BRCA2: variants seen among roughly 807,000 people sequenced by gnomAD.
BRCA2 encodes the protein BRCA2 DNA repair associated, also known as breast cancer type 2 susceptibility protein.
In BRCA2, 203 loss-of-function variants were observed where a neutral mutation model predicts 276.7. The ratio of observed to expected loss-of-function variants is 0.73; its 90% CI spans 0.65 to 0.82. The LOEUF is 0.82. Among genes scored for constraint, BRCA2 ranks in the 40% least tolerant of loss-of-function variants. BRCA2 has a pLI of 0.00. For synonymous variants in BRCA2, 1,289 were observed against 1,338.4 expected (o/e 0.96, Z 0.81); for missense variants, 3,920 against 3,915.0 (o/e 1.00, Z -0.03).
At chr13:32,341,623 C>T (rs2072570763) in intron 11 of BRCA2, among the ~76,000 whole-genome samples, 1 of 152,182 alleles carries the variant, frequency 6.6e-6, no homozygotes, top group Non-Finnish European at 1.5e-5. Context: ...AAGTTGGTTT[C>T]CGGGAGGCCG....
In BRCA2 at chr13:32,394,952, A is replaced by G. The variant is rs1379263317; in HGVS notation, c.9501+19A>G. The G allele has an allele frequency of 2.5e-6, 4 of 1,613,666 alleles. No homozygotes were observed. The highest frequency in any genetic ancestry group is 1.7e-5 in the Admixed American group (1 of 60,020). On this transcript the variant is annotated intron_variant, in intron 25 of 26. Transcript: ENST00000380152. ...TGTTGAGGTAAGGTTACTTTTCAGC[A>G]TCACCACACATTTTGGTATTTTTCT... is the stretch of plus-strand genomic sequence containing the variant.
In BRCA2 at chr13:32,338,426, A is replaced by G. The variant is rs140556653; in HGVS notation, c.4071A>G (p.Leu1357=). 5 of 1,609,296 alleles carry G rather than the reference A, an allele frequency of 3.1e-6. No individual in the cohort carries two copies. Among genetic ancestry groups the G allele is most frequent in the South Asian group, 1.1e-5 (1 of 89,314 alleles). Residue 1357 remains leucine (L), a synonymous_variant, in exon 11 of 27, where the codon CTA becomes CTG. Transcript: ENST00000380152. The stretch of plus-strand genomic sequence containing the variant: ...TTCATAAAGATGAAACGGACTTGCT[A>G]TTTACTGATCAGCACAACATATGTC... The part of the protein sequence containing the change: ...VCIHKDETDL[L]FTDQHNICLK...
At chr13:32,326,216 C>T in intron 5 of BRCA2, 26 bp from the exon 6 acceptor site, 1 of 1,612,428 alleles carries the variant, frequency 6.2e-7, no homozygotes, top group South Asian at 1.1e-5. Flanking sequence ...TAAAACTTAA[C>T]AATTTTCCCC....
At chr13:32,323,986 G>A (rs1343768188) in intron 3 of BRCA2, among the ~76,000 whole-genome samples, 1 of 152,140 alleles carries the variant, frequency 6.6e-6, no homozygotes, top group Non-Finnish European at 1.5e-5. Flanking sequence ...TGTTCAATAA[G>A]AATAGAAATT....
chr13:32,396,236 A>G (rs1490225157), intron 25 of BRCA2: 1 of 164,078 alleles, frequency 6.1e-6, no homozygotes, highest in East Asian at 1.8e-4. Context: ...GGCCTCCCCA[A>G]GTACTGGGTT....
Position 32,379,351 on chromosome 13 carries a change from A to C in BRCA2, c.8789A>C (p.Asn2930Thr), listed in dbSNP as rs397508008. ...AGTGAAGAGCAGTTAAGAGCCTTGA[A>C]TAATCACAGGCAAATGTTGAATGAT... ...YFSEEQLRAL[N>T]NHRQMLNDKK... Residue 2930 changes from asparagine to threonine, a missense_variant, in exon 22 of 27, where the codon AAT (asparagine) becomes ACT (threonine). This residue lies in a region of BRCA2 where 657 missense variants were observed against 758.2 expected (regional missense o/e 0.87). Transcript: ENST00000380152. 1 of 1,613,898 alleles carries C rather than the reference A, an allele frequency of 6.2e-7. No homozygotes were observed. The highest frequency in any genetic ancestry group is 8.5e-7 in the Non-Finnish European group (1 of 1,179,870).
At chr13:32,393,274 A>G (rs542988331) in intron 24 of BRCA2, among the ~76,000 whole-genome samples, 1 of 152,200 alleles carries the variant, frequency 6.6e-6, no homozygotes, top group Non-Finnish European at 1.5e-5. Context: ...GTTTGCAACA[A>G]TGATTACTGT....
At chr13:32,346,108 C>A (rs2137539858) in intron 12 of BRCA2, among the ~76,000 whole-genome samples, 1 of 151,916 alleles carries the variant, frequency 6.6e-6, no homozygotes, top group East Asian at 1.9e-4. Context: ...ATAGTTCATT[C>A]ATCAGAACTA....
chr13:32,380,218 T>G (rs2137626302), intron 24 of BRCA2, 73 bp downstream of exon 24: 1 of 1,484,402 alleles, frequency 6.7e-7, no homozygotes, highest in Non-Finnish European at 9.1e-7. Context: ...CTCTTATGAT[T>G]AGTTGGAGCT....
At chr13:32,392,719 C>T (rs1193628205) in intron 24 of BRCA2, among the ~76,000 whole-genome samples, 3 of 151,972 alleles carry the variant, frequency 2.0e-5, no homozygotes, top group South Asian at 2.1e-4. Context: ...CTTGCATAAC[C>T]GTAGTACAAT....
At chr13:32,344,433 G>A (rs762664969) in intron 11 of BRCA2, 125 bp from the exon 12 acceptor site, 1 of 618,784 alleles carries the variant, frequency 1.6e-6, no homozygotes, top group Non-Finnish European at 2.9e-6. Context: ...ACTATTTGTT[G>A]TAAGTATTTT....
At chr13:32,352,969 A>G (rs987355112) in intron 13 of BRCA2, among the ~76,000 whole-genome samples, 2 of 152,244 alleles carry the variant, frequency 1.3e-5, no homozygotes, top group Admixed American at 6.5e-5. Flanking sequence ...TCCTTATACT[A>G]AAAATATTCT....
rs863224591 is a variant in BRCA2 at position 32,339,397 on chromosome 13, TGAGTCA to T, written c.5045_5050del (p.Ser1682_Gln1683del). On this transcript the variant is annotated inframe_deletion, in exon 11 of 27. Coordinates refer to ENST00000380152, the MANE Select transcript of BRCA2 (RefSeq NM_000059.4). ...ACAAGTTGTAGTAGAAAAACTTCTG[TGAGTCA>T]GACTTCATTACTTGAAGCAAAAAAA... is the stretch of plus-strand genomic sequence containing the variant. 1 of 1,594,402 alleles carries T rather than the reference TGAGTCA, an allele frequency of 6.3e-7. No individual in the cohort carries two copies. The highest frequency in any genetic ancestry group is 1.4e-5 in the African/African-American group (1 of 73,966).
chr13:32,337,072 CTAAGGAACT>C lies in BRCA2; in HGVS notation c.2719_2727del (p.Lys907_Leu909del). The C allele has an allele frequency of 6.2e-7, 1 of 1,610,304 alleles. No homozygotes were observed. Among genetic ancestry groups the C allele is most frequent in the South Asian group, 1.1e-5 (1 of 89,614 alleles). On this transcript the variant is annotated inframe_deletion, in exon 11 of 27. Coordinates refer to ENST00000380152, the MANE Select transcript of BRCA2 (RefSeq NM_000059.4). ...AGGAATAATCTTGCTTTAGGAAATA[CTAAGGAACT>C]TCATGAAACAGACTTGACTTGTGTA... is the stretch of plus-strand genomic sequence containing the variant.
chr13:32,366,338 T>A (rs1205765489), intron 18 of BRCA2, among the ~76,000 whole-genome samples: 2 of 152,170 alleles, frequency 1.3e-5, no homozygotes, highest in African/African-American at 4.8e-5. Flanking sequence ...TTATAGTGGA[T>A]GTGAAGTATG....
At chr13:32,375,498 C>T (rs1020567727) in intron 20 of BRCA2, 2 of 334,938 alleles carry the variant, frequency 6.0e-6, no homozygotes, top group Non-Finnish European at 1.2e-5. Flanking sequence ...GGAAGGTTTT[C>T]AATTCACTTT....
intron 13 of BRCA2, among the ~76,000 whole-genome samples, chr13:32,347,625 A>G (rs1593913698): frequency 6.6e-6 from 1 of 152,334 alleles, no homozygotes; most frequent in East Asian, 1.9e-4. Context: ...ATTGAGGGAA[A>G]GATACTAAAA....
At chr13:32,342,133 C>G (rs1057322326) in intron 11 of BRCA2, among the ~76,000 whole-genome samples, 2 of 151,882 alleles carry the variant, frequency 1.3e-5, no homozygotes, top group South Asian at 2.1e-4. Flanking sequence ...ATTAGCCAAG[C>G]GTGGTGGCGC....
At position 32,329,493 on chromosome 13, in the gene BRCA2, G is replaced by A. The variant is rs398122565; in HGVS notation, c.681+1G>A. The A allele has an allele frequency of 4.4e-6, 7 of 1,592,074 alleles. No homozygotes were observed. The highest frequency in any genetic ancestry group is 6.0e-6 in the Non-Finnish European group (7 of 1,162,180). ...TGTATTTCCTCATGATACTACTGCTGTAAGTAAATATGACATTGATTAGAC... is the reference window on the plus strand; with the variant it reads ...TGTATTTCCTCATGATACTACTGCTATAAGTAAATATGACATTGATTAGAC... On this transcript the variant is annotated splice_donor_variant, in intron 8 of 26. Coordinates refer to ENST00000380152, the MANE Select transcript of BRCA2 (RefSeq NM_000059.4). LOFTEE classifies it high-confidence loss of function.
Sources: gnomAD v4.1 joint callset for allele counts (sites outside exome capture counted in the v4.1 genomes callset) on GRCh38, gnomAD v4.1.1 for gene constraint, gnomAD v4.1.1 regional missense constraint, MANE v1.5 for transcripts, NCBI Gene and HGNC (gene_info 2026-07-23, HGNC 2026-07-21) for gene names.